The following MYO3B variants were observed in gnomAD, a reference collection of about 807,000 sequenced individuals.
MYO3B encodes the protein myosin IIIB.
MYO3B carries 156 observed loss-of-function variants against 174.6 expected under a neutral mutation model. That is an observed-to-expected ratio of 0.89 (90% confidence interval 0.78 to 1.02). MYO3B has a LOEUF of 1.02. Among genes scored for constraint, MYO3B ranks in the 50% least tolerant of loss-of-function variants. The pLI is 0.00. For missense variants in MYO3B, 1,632 were observed against 1,639.4 expected (o/e 1.00, Z 0.08); for synonymous variants, 563 against 569.1 (o/e 0.99, Z 0.15).
chr2:170,235,356 T>C (rs746097192), intron 6 of MYO3B, among the ~76,000 whole-genome samples: 2 of 152,340 alleles, frequency 1.3e-5, no homozygotes, highest in Non-Finnish European at 2.9e-5. Flanking sequence ...CTCAACCCAA[T>C]GACAAGCCCA....
At chr2:170,291,670 T>G (rs1254400187) in intron 7 of MYO3B, among the ~76,000 whole-genome samples, 1 of 151,894 alleles carries the variant, frequency 6.6e-6, no homozygotes, top group African/African-American at 2.4e-5. Context: ...CTATTTCATA[T>G]TCAAAGGATA....
intron 7 of MYO3B, among the ~76,000 whole-genome samples, chr2:170,245,992 A>G (rs914414194): frequency 1.6e-4 from 25 of 152,324 alleles, no homozygotes; most frequent in Middle Eastern, 3.4e-3. Context: ...AGGAATTTCA[A>G]TTTAATTGGT....
In MYO3B at chr2:170,481,080, GA is replaced by G. The variant is rs1283253519; in HGVS notation, c.3014+14371del. ...GAACCCAGACATCTCGAGAAAGGCTGAATGTCAAACTTCAATTTTCAATGAG... is the reference window on the plus strand; with the variant it reads ...GAACCCAGACATCTCGAGAAAGGCTGATGTCAAACTTCAATTTTCAATGAG... On this transcript the variant is annotated intron_variant, in intron 25 of 34. Coordinates refer to ENST00000408978, the MANE Select transcript of MYO3B (RefSeq NM_138995.5). Among the ~76,000 whole-genome samples the G allele has an allele frequency of 2.6e-5, 4 of 152,176 alleles. No individual in the cohort carries two copies. In the East Asian group the frequency reaches 5.8e-4, roughly 22 times the overall value.
chr2:170,369,344 ACCAGAAGCAT>A lies in MYO3B; in HGVS notation c.940_949del (p.Gln314LysfsTer35). ...AAACAGCTGGCCAAGGTTCTCCAAG[ACCAGAAGCAT>A]CAAAATCCTGTTGCTAAAACCAGGT... On this transcript the variant is annotated frameshift_variant, in exon 9 of 35. Transcript: ENST00000408978. LOFTEE classifies it high-confidence loss of function. 6.2e-7 allele frequency: 1 copy of A among 1,613,438 alleles called. No homozygotes were observed. The highest frequency in any genetic ancestry group is 8.5e-7 in the Non-Finnish European group (1 of 1,179,506).
chr2:170,242,851 C>T (rs959971896), intron 7 of MYO3B, among the ~76,000 whole-genome samples: 6 of 152,172 alleles, frequency 3.9e-5, no homozygotes, highest in African/African-American at 1.4e-4. Context: ...GGAAACAGAG[C>T]TCAAAATTGT....
chr2:170,200,640 G>T (rs546558649), intron 3 of MYO3B, among the ~76,000 whole-genome samples: 1 of 152,290 alleles, frequency 6.6e-6, no homozygotes, highest in Non-Finnish European at 1.5e-5. Context: ...TACTTGGCTT[G>T]CCAAGTTTGG....
At chr2:170,398,247 AAAAAG>A (rs2094452853) in intron 16 of MYO3B, among the ~76,000 whole-genome samples, 3 of 148,302 alleles carry the variant, frequency 2.0e-5, no homozygotes, top group Non-Finnish European at 4.5e-5. Flanking sequence ...AAAAAAAAAA[AAAAAG>A]GATACAACTC....
At chr2:170,221,326 G>A (rs184955120) in intron 6 of MYO3B, among the ~76,000 whole-genome samples, 1 of 152,132 alleles carries the variant, frequency 6.6e-6, no homozygotes, top group Admixed American at 6.5e-5. Context: ...TATTTTTGAG[G>A]AATTGAACCA....
intron 1 of MYO3B, among the ~76,000 whole-genome samples, chr2:170,190,071 G>T (rs2092520764): frequency 6.6e-6 from 1 of 152,218 alleles, no homozygotes. Flanking sequence ...CCCAAGCCCA[G>T]TAACACTGTG....
At chr2:170,578,523 G>A (rs141591073) in intron 32 of MYO3B, among the ~76,000 whole-genome samples, 177 of 152,296 alleles carry the variant, frequency 1.2e-3, no homozygotes, top group African/African-American at 3.4e-3. Flanking sequence ...GAAGTATTTC[G>A]AAAGCATCGA....
chr2:170,373,626 T>C lies in MYO3B; in HGVS notation c.971+4249T>C, dbSNP rs1162145187. Among the ~76,000 whole-genome samples the C allele has an allele frequency of 3.3e-5, 5 of 151,854 alleles. No individual in the cohort carries two copies. The East Asian group carries it at 9.7e-4, about 29-fold the overall frequency. On this transcript the variant is annotated intron_variant, in intron 9 of 34. Coordinates refer to ENST00000408978, the MANE Select transcript of MYO3B (RefSeq NM_138995.5). Reference sequence around the variant, plus strand: ...CTTGGACAGGTAAAGGGGAAGGATATATATAGAGAGGGAGACAACGAAGAC... The same window carrying C: ...CTTGGACAGGTAAAGGGGAAGGATACATATAGAGAGGGAGACAACGAAGAC...
chr2:170,471,430 T>C (rs891468685), intron 25 of MYO3B, among the ~76,000 whole-genome samples: 1 of 152,202 alleles, frequency 6.6e-6, no homozygotes, highest in African/African-American at 2.4e-5. Context: ...TGTTTTCTTT[T>C]GTTGCTCGTA....
At chr2:170,296,327 G>A (rs2093628566) in intron 7 of MYO3B, among the ~76,000 whole-genome samples, 1 of 152,196 alleles carries the variant, frequency 6.6e-6, no homozygotes, top group Non-Finnish European at 1.5e-5. Context: ...AGCTATCTGT[G>A]TAGAAGCTGG....
intron 32 of MYO3B, among the ~76,000 whole-genome samples, chr2:170,545,532 G>A (rs74925767): frequency 0.15 from 22,949 of 152,194 alleles, 2,044 homozygotes; most frequent in Middle Eastern, 0.24. Context: ...AAGGCATTAA[G>A]TTTTGGTGTG....
chr2:170,648,189 C>T (rs1441707502), intron 32 of MYO3B: 5 of 152,246 alleles, frequency 3.3e-5, no homozygotes, highest in Non-Finnish European at 2.9e-5. Context: ...GAAAGAACCG[C>T]TGTGTTCTTT....
chr2:170,420,283 C>T (rs1002437345), intron 22 of MYO3B, among the ~76,000 whole-genome samples: 1 of 152,120 alleles, frequency 6.6e-6, no homozygotes, highest in Non-Finnish European at 1.5e-5. Context: ...ACTGAAAAAT[C>T]TATGAAATGG....
intron 10 of MYO3B, chr2:170,382,546 T>C (rs1223653332): frequency 5.8e-6 from 1 of 171,320 alleles, no homozygotes; most frequent in African/African-American, 2.4e-5. Flanking sequence ...AAAATATGCA[T>C]GTTTAATAGA....
In MYO3B at chr2:170,542,916, G is replaced by A. The variant is rs1024168866; in HGVS notation, c.3586G>A (p.Ala1196Thr). 6.2e-7 allele frequency: 1 copy of A among 1,607,148 alleles called. No individual in the cohort carries two copies. The highest frequency in any genetic ancestry group is 8.5e-7 in the Non-Finnish European group (1 of 1,176,446). The stretch of plus-strand genomic sequence containing the variant: ...TTGTTATCTTTTCAGGCATTCACAA[G>A]CCCAGAGTTCTCCAAAAGGGTGCGA... ...AVTEKNGHSQ[A>T]QSSPKGCDIF... Residue 1196 changes from alanine to threonine, a missense_variant, in exon 31 of 35, where the codon GCC (alanine) becomes ACC (threonine). Transcript: ENST00000408978.
chr2:170,565,219 T>G (rs1482244527), intron 32 of MYO3B, among the ~76,000 whole-genome samples: 3 of 152,182 alleles, frequency 2.0e-5, no homozygotes, highest in Non-Finnish European at 4.4e-5. Context: ...GCATTCGTAG[T>G]ATTGTTTGGG....
Sources: allele counts gnomAD v4.1 joint callset (sites outside exome capture counted in the v4.1 genomes callset), GRCh38; gene constraint gnomAD v4.1.1; transcripts MANE v1.5; gene names NCBI Gene and HGNC (gene_info 2026-07-23, HGNC 2026-07-21).